Variants in GALNTL6 observed in about 807,000 individuals in gnomAD.
GALNTL6 encodes the protein polypeptide N-acetylgalactosaminyltransferase-like 6.
In GALNTL6, 46 loss-of-function variants were observed where a neutral mutation model predicts 73.7. The ratio of observed to expected loss-of-function variants is 0.62; its 90% CI spans 0.49 to 0.80. The LOEUF is 0.80. GALNTL6 is among the 30% of genes least tolerant of loss of function. The probability of loss-of-function intolerance (pLI) is 0.00; values close to 1 mark genes in which losing one functional copy is unlikely to be tolerated. For missense variants in GALNTL6, 604 were observed against 755.0 expected (o/e 0.80, Z 2.34); for synonymous variants, 259 against 263.7 (o/e 0.98, Z 0.17).
chr4:172,248,833 T>C (rs1023686183), intron 3 of GALNTL6, among the ~76,000 whole-genome samples: 2 of 152,144 alleles, frequency 1.3e-5, no homozygotes, highest in Non-Finnish European at 1.5e-5. Context: ...AAGGATGTGT[T>C]TGCTTGCCTT....
intron 2 of GALNTL6, among the ~76,000 whole-genome samples, chr4:172,156,547 A>ATATACTATATATATATATATATATATG (rs1553997713): frequency 8.8e-6 from 1 of 113,776 alleles, no homozygotes; most frequent in African/African-American, 3.9e-5. Flanking sequence ...TATAATATAT[A>ATATACTATATATATATATATATATATG]TATATATATA....
intron 5 of GALNTL6, among the ~76,000 whole-genome samples, chr4:172,404,527 C>T (rs923502752): frequency 5.9e-5 from 9 of 152,112 alleles, no homozygotes; most frequent in Middle Eastern, 3.4e-3. Context: ...TGATTTCTAT[C>T]ATAAGAGCCT....
chr4:173,015,351 C>T lies in GALNTL6; in HGVS notation c.1488+6057C>T, dbSNP rs146492204. 3.3e-3 allele frequency among the ~76,000 whole-genome samples: 497 copies of T among 152,080 alleles called. 1 individual carries two copies. The highest frequency in any genetic ancestry group is 5.3e-3 in the Non-Finnish European group (363 of 68,018). The stretch of plus-strand genomic sequence containing the variant: ...ACAGAGGTTGGAACAGTTTGGAGGG[C>T]TCAGAAGAAGAAAGGAAAATGTGAG... On this transcript the variant is annotated intron_variant, in intron 11 of 12. Coordinates refer to ENST00000506823, the MANE Select transcript of GALNTL6 (RefSeq NM_001034845.3).
At chr4:172,495,237 A>T (rs1486607020) in intron 5 of GALNTL6, among the ~76,000 whole-genome samples, 1 of 152,158 alleles carries the variant, frequency 6.6e-6, no homozygotes, top group Non-Finnish European at 1.5e-5. Flanking sequence ...CATAGGACAA[A>T]TCTATGACAA....
intron 2 of GALNTL6, among the ~76,000 whole-genome samples, chr4:172,129,222 A>C (rs1311873945): frequency 1.3e-5 from 2 of 152,242 alleles, no homozygotes; most frequent in Non-Finnish European, 2.9e-5. Flanking sequence ...TCTTAATACA[A>C]ATAAAAACGT....
chr4:171,994,805 A>G (rs1387810323), intron 2 of GALNTL6, among the ~76,000 whole-genome samples: 1 of 152,132 alleles, frequency 6.6e-6, no homozygotes, highest in African/African-American at 2.4e-5. Context: ...AGGCCATAAA[A>G]TAAATAGTTG....
At chr4:172,655,408 T>C (rs1204913878) in intron 5 of GALNTL6, among the ~76,000 whole-genome samples, 1 of 152,200 alleles carries the variant, frequency 6.6e-6, no homozygotes, top group Admixed American at 6.5e-5. Context: ...TGAGCACTTA[T>C]TTAGGTCCTA....
At chr4:172,345,406 T>TCTTTATGTATCCACTGTAA (rs1180021703) in intron 4 of GALNTL6, among the ~76,000 whole-genome samples, 1 of 152,212 alleles carries the variant, frequency 6.6e-6, no homozygotes, top group East Asian at 1.9e-4. Flanking sequence ...GTCTTGATAG[T>TCTTTATGTATCCACTGTAA]TGTGTTTCAT....
intron 5 of GALNTL6, among the ~76,000 whole-genome samples, chr4:172,362,711 T>C (rs1742414455): frequency 6.6e-6 from 1 of 152,188 alleles, no homozygotes; most frequent in South Asian, 2.1e-4. Flanking sequence ...AAACTCAATG[T>C]GTCCACATGT....
At chr4:172,519,322 A>G (rs1279163091) in intron 5 of GALNTL6, among the ~76,000 whole-genome samples, 1 of 151,062 alleles carries the variant, frequency 6.6e-6, no homozygotes, top group Non-Finnish European at 1.5e-5. Context: ...AATAATAGAA[A>G]TTCTATTAAA....
At chr4:172,798,938 G>A (rs888576595) in intron 5 of GALNTL6, among the ~76,000 whole-genome samples, 9 of 152,232 alleles carry the variant, frequency 5.9e-5, no homozygotes, top group Non-Finnish European at 7.4e-5. Context: ...CTTGTAAAAT[G>A]TTCATTTCTG....
At chr4:172,781,813 C>T (rs898101709) in intron 5 of GALNTL6, among the ~76,000 whole-genome samples, 2 of 151,652 alleles carry the variant, frequency 1.3e-5, no homozygotes, top group African/African-American at 4.8e-5. Context: ...CATTTTTACC[C>T]TATATACTTT....
intron 2 of GALNTL6, among the ~76,000 whole-genome samples, chr4:172,120,323 T>C (rs1733112729): frequency 6.6e-6 from 1 of 152,154 alleles, no homozygotes; most frequent in African/African-American, 2.4e-5. Flanking sequence ...TCTTATGGGA[T>C]TAAAACTAAG....
At chr4:172,030,732 C>T (rs1463772278) in intron 2 of GALNTL6, among the ~76,000 whole-genome samples, 1 of 151,298 alleles carries the variant, frequency 6.6e-6, no homozygotes, top group African/African-American at 2.4e-5. Flanking sequence ...ATATGGGGGA[C>T]ATATTTTATA....
chr4:171,973,588 T>C (rs1261299658), intron 2 of GALNTL6, among the ~76,000 whole-genome samples: 1 of 152,198 alleles, frequency 6.6e-6, no homozygotes, highest in Non-Finnish European at 1.5e-5. Context: ...TAATTCAGTA[T>C]GAACTCATCT....
chr4:172,274,717 A>G (rs10021330), intron 3 of GALNTL6, among the ~76,000 whole-genome samples: 1 of 151,992 alleles, frequency 6.6e-6, no homozygotes, highest in East Asian at 1.9e-4. Flanking sequence ...TTTACTGTCA[A>G]TTGCAACAGA....
intron 5 of GALNTL6, among the ~76,000 whole-genome samples, chr4:172,720,644 CA>C (rs1735415577): frequency 1.3e-5 from 2 of 152,262 alleles, no homozygotes; most frequent in Admixed American, 1.3e-4. Flanking sequence ...TCAATATAAA[CA>C]AAAAATTAAA....
At chr4:172,715,688 T>G (rs1386367408) in intron 5 of GALNTL6, among the ~76,000 whole-genome samples, 1 of 152,220 alleles carries the variant, frequency 6.6e-6, no homozygotes, top group African/African-American at 2.4e-5. Flanking sequence ...ACAATTCTAT[T>G]TAAATCCTGG....
intron 5 of GALNTL6, among the ~76,000 whole-genome samples, chr4:172,768,492 G>T (rs1026718426): frequency 1.3e-5 from 2 of 152,150 alleles, no homozygotes; most frequent in African/African-American, 4.8e-5. Flanking sequence ...ATTGAAAAAT[G>T]AAAAGTACAC....
Sources: allele counts gnomAD v4.1 joint callset (sites outside exome capture counted in the v4.1 genomes callset), GRCh38; gene constraint gnomAD v4.1.1; transcripts MANE v1.5; gene names NCBI Gene and HGNC (gene_info 2026-07-23, HGNC 2026-07-21).